The following NLRP11 variants were observed in gnomAD, a reference collection of about 807,000 sequenced individuals.
The protein encoded by NLRP11 is NACHT, LRR and PYD domains-containing protein 11.
A neutral mutation model predicts 79.3 loss-of-function variants in NLRP11; 53 were observed. The ratio of observed to expected loss-of-function variants is 0.67; its 90% CI spans 0.54 to 0.84. The LOEUF (loss-of-function observed/expected upper bound fraction) is 0.84, where lower values mean the gene tolerates loss of function less well. Ranked by LOEUF, NLRP11 falls within the 40% of genes least tolerant of loss-of-function variation. The pLI, the probability that NLRP11 is intolerant of heterozygous loss-of-function variation, is 0.00. For missense variants in NLRP11, 1,264 were observed against 1,255.0 expected, an observed-to-expected ratio of 1.01 and a Z score of -0.11; for synonymous variants, 518 against 462.6, an observed-to-expected ratio of 1.12 and a Z score of -1.54.
At chr19:55,796,148 C>T (rs755210011) in exon 6 of NLRP11, 6 of 1,613,986 alleles carry the variant, frequency 3.7e-6, no homozygotes, top group South Asian at 3.3e-5. Flanking sequence ...CGTCGCTCCT[C>T]AGCGGATTGC....
At chr19:55,791,235 T>C (rs16986591) in intron 7 of NLRP11, among the ~76,000 whole-genome samples, 13,360 of 152,084 alleles carry the variant, frequency 0.088, 1,341 homozygotes, top group African/African-American at 0.25. Context: ...TTCTACAGTA[T>C]GAGTGAATTT....
chr19:55,797,358 ATGGTTTGC>A (rs1979027679), intron 5 of NLRP11, among the ~76,000 whole-genome samples: 1 of 152,198 alleles, frequency 6.6e-6, no homozygotes, highest in Admixed American at 6.5e-5. Flanking sequence ...AGATAGCTGC[ATGGTTTGC>A]TGTCTCACTT....
upstream of NLRP11, among the ~76,000 whole-genome samples, chr19:55,835,163 C>G (rs1983126844): frequency 6.6e-6 from 1 of 152,092 alleles, no homozygotes; most frequent in Non-Finnish European, 1.5e-5. Context: ...TATTTCAAAA[C>G]CAGGATCATC....
upstream of NLRP11, among the ~76,000 whole-genome samples, chr19:55,835,454 A>G (rs1316032362): frequency 3.9e-5 from 6 of 152,232 alleles, no homozygotes; most frequent in African/African-American, 1.4e-4. Context: ...TAATCCCAGC[A>G]CTTTGGGAGG....
intron 8 of NLRP11, 102 bp downstream of exon 8, chr19:55,789,127 C>A: frequency 1.4e-6 from 2 of 1,401,414 alleles, no homozygotes; most frequent in South Asian, 2.7e-5. Context: ...AAACACTAGA[C>A]TATTATGTCC....
chr19:55,796,837 C>T (rs915614832), intron 5 of NLRP11, among the ~76,000 whole-genome samples: 5 of 151,980 alleles, frequency 3.3e-5, no homozygotes, highest in African/African-American at 7.3e-5. Flanking sequence ...TACAGGCATG[C>T]GTTACCACAC....
chr19:55,830,065 CATGT>C (rs1173842772), intron 1 of NLRP11, among the ~76,000 whole-genome samples: 1 of 152,168 alleles, frequency 6.6e-6, no homozygotes, highest in Non-Finnish European at 1.5e-5. Context: ...TTTGAAACTT[CATGT>C]ATAAGTGGAC....
chr19:55,785,493 T>TCTCACACACACACA (rs1491227230), exon 10 of NLRP11: 2 of 390,132 alleles, frequency 5.1e-6, no homozygotes, highest in African/African-American at 4.4e-5. Flanking sequence ...TGGATCAAGG[T>TCTCACACACACACA]CACACACACA....
At chr19:55,815,646 A>G (rs73060106) in intron 2 of NLRP11, among the ~76,000 whole-genome samples, 7,419 of 152,288 alleles carry the variant, frequency 0.049, 194 homozygotes, top group African/African-American at 0.075. Flanking sequence ...TTTATACAAT[A>G]TTAAAAAGGA....
intron 1 of NLRP11, among the ~76,000 whole-genome samples, chr19:55,821,678 TGTTA>T (rs1981754052): frequency 1.4e-5 from 2 of 144,988 alleles, no homozygotes; most frequent in Admixed American, 1.4e-4. Context: ...CCATTAACAT[TGTTA>T]GTGATGGGAG....
At chr19:55,792,387 G>C in exon 7 of NLRP11, 1 of 1,613,996 alleles carries the variant, frequency 6.2e-7, no homozygotes, top group Non-Finnish European at 8.5e-7. Flanking sequence ...TCACACACAG[G>C]TCTAGTTGTC....
chr19:55,786,521 G>GAA (rs57523493), intron 9 of NLRP11, among the ~76,000 whole-genome samples: 1 of 146,094 alleles, frequency 6.8e-6, no homozygotes, highest in African/African-American at 2.5e-5. Flanking sequence ...ACCCTAACTA[G>GAA]AAAAAAAAAA....
intron 5 of NLRP11, among the ~76,000 whole-genome samples, chr19:55,799,153 G>C (rs1979231533): frequency 6.6e-6 from 1 of 152,138 alleles, no homozygotes; most frequent in South Asian, 2.1e-4. Flanking sequence ...TGTGGTCCCA[G>C]CTACTTGGGA....
At chr19:55,822,120 G>A (rs2122894565) in intron 1 of NLRP11, among the ~76,000 whole-genome samples, 1 of 152,204 alleles carries the variant, frequency 6.6e-6, no homozygotes, top group Non-Finnish European at 1.5e-5. Context: ...AATTAGGCAA[G>A]CATGGTGGTG....
chr19:55,817,561 A>T (rs997177453), intron 2 of NLRP11, among the ~76,000 whole-genome samples: 1 of 152,144 alleles, frequency 6.6e-6, no homozygotes, highest in Non-Finnish European at 1.5e-5. Flanking sequence ...ATTCTAAGTG[A>T]AGTAACTCGG....
chr19:55,801,310 G>C (rs1979451355), intron 5 of NLRP11: 1 of 411,040 alleles, frequency 2.4e-6, no homozygotes, highest in African/African-American at 2.0e-5. Context: ...GTCTACTTCA[G>C]AATGACCAGA....
chr19:55,829,649 A>C (rs1274464861), intron 1 of NLRP11, among the ~76,000 whole-genome samples: 1 of 126,620 alleles, frequency 7.9e-6, no homozygotes, highest in Non-Finnish European at 1.6e-5. Context: ...CCTGGGCGAG[A>C]CTCCGTCTCA....
chr19:55,823,583 TG>T (rs1349536765), intron 1 of NLRP11, among the ~76,000 whole-genome samples: 1 of 143,378 alleles, frequency 7.0e-6, no homozygotes, highest in Middle Eastern at 3.5e-3. Context: ...CTGATGGAGC[TG>T]AAAACCAAGG....
intron 2 of NLRP11, among the ~76,000 whole-genome samples, chr19:55,816,042 C>G (rs17709443): frequency 0.046 from 7,053 of 152,160 alleles, 229 homozygotes; most frequent in Middle Eastern, 0.071. Context: ...ACATGCTATA[C>G]TATTTAATTG....
Sources: gnomAD v4.1 joint callset for allele counts (sites outside exome capture counted in the v4.1 genomes callset) on GRCh38, gnomAD v4.1.1 for gene constraint, MANE v1.5 for transcripts, NCBI Gene and HGNC (gene_info 2026-07-23, HGNC 2026-07-21) for gene names.